Variants in CNTNAP2 observed in about 807,000 individuals in gnomAD.
The protein encoded by CNTNAP2 is contactin-associated protein-like 2.
A neutral mutation model predicts 155.2 loss-of-function variants in CNTNAP2; 98 were observed. The ratio of observed to expected loss-of-function variants is 0.63; its 90% CI spans 0.54 to 0.75. The LOEUF is 0.75. Ranked by LOEUF, CNTNAP2 falls within the 30% of genes least tolerant of loss-of-function variation. The pLI is 0.00. For missense variants in CNTNAP2, 1,727 were observed against 1,688.1 expected, an observed-to-expected ratio of 1.02 and a Z score of -0.40; for synonymous variants, 651 against 631.2, an observed-to-expected ratio of 1.03 and a Z score of -0.47.
chr7:147,105,009 T>C (rs1429794971), intron 4 of CNTNAP2, among the ~76,000 whole-genome samples: 1 of 150,158 alleles, frequency 6.7e-6, no homozygotes, highest in Non-Finnish European at 1.5e-5. Flanking sequence ...TTAACACTGG[T>C]GATTTTTCGT....
chr7:147,172,587 G>T (rs1229273796), intron 8 of CNTNAP2, among the ~76,000 whole-genome samples: 1 of 151,936 alleles, frequency 6.6e-6, no homozygotes, highest in Non-Finnish European at 1.5e-5. Context: ...TCATGTTAAT[G>T]TAAGCTTTGT....
At chr7:146,638,179 G>A (rs953239026) in intron 1 of CNTNAP2, among the ~76,000 whole-genome samples, 14 of 152,120 alleles carry the variant, frequency 9.2e-5, no homozygotes, top group African/African-American at 3.4e-4. Context: ...CTAAAGGGGC[G>A]CTTATGACTA....
chr7:146,568,975 C>G (rs1372099662), intron 1 of CNTNAP2, among the ~76,000 whole-genome samples: 1 of 151,352 alleles, frequency 6.6e-6, no homozygotes, highest in Admixed American at 6.6e-5. Context: ...TGTTTTTTCT[C>G]TGTGGTTACT....
chr7:148,074,619 T>A (rs951379112), intron 15 of CNTNAP2, among the ~76,000 whole-genome samples: 4 of 150,742 alleles, frequency 2.7e-5, no homozygotes, highest in Non-Finnish European at 5.9e-5. Context: ...AACTCGGAGG[T>A]GGAGGTTGCA....
At chr7:147,688,956 G>A (rs564196989) in intron 13 of CNTNAP2, among the ~76,000 whole-genome samples, 5 of 152,194 alleles carry the variant, frequency 3.3e-5, no homozygotes, top group African/African-American at 9.6e-5. Flanking sequence ...GCAGTGCTGG[G>A]AATGTTGTAA....
chr7:146,554,924 C>A (rs748852901), intron 1 of CNTNAP2, among the ~76,000 whole-genome samples: 6 of 152,190 alleles, frequency 3.9e-5, no homozygotes, highest in Non-Finnish European at 7.3e-5. Context: ...TTTTTTCTCA[C>A]TGAACCTCAT....
chr7:147,684,608 C>T (rs1460479822), intron 13 of CNTNAP2, among the ~76,000 whole-genome samples: 1 of 151,716 alleles, frequency 6.6e-6, no homozygotes, highest in Non-Finnish European at 1.5e-5. Flanking sequence ...TCGTTGATGG[C>T]CCTGAGGTGT....
At chr7:147,738,347 A>C (rs1224622430) in intron 13 of CNTNAP2, among the ~76,000 whole-genome samples, 1 of 152,062 alleles carries the variant, frequency 6.6e-6, no homozygotes, top group Non-Finnish European at 1.5e-5. Context: ...TTCAAACAGC[A>C]TCACACATTA....
At position 147,675,561 on chromosome 7, in the gene CNTNAP2, A is replaced by G. The variant is rs533223809; in HGVS notation, c.2098+36255A>G. Among the ~76,000 whole-genome samples, 5 of 152,106 alleles carry G rather than the reference A, an allele frequency of 3.3e-5. No homozygotes were observed. In the South Asian group the frequency reaches 6.2e-4, roughly 19 times the overall value. On this transcript the variant is annotated intron_variant, in intron 13 of 23. Coordinates refer to ENST00000361727, the MANE Select transcript of CNTNAP2 (RefSeq NM_014141.6). ...CTTTCTCCACCTTGTTTTAAATTCA[A>G]TCCCTCCATGGATTGGATGATTCGC...
chr7:147,988,217 G>A (rs1801652486), intron 15 of CNTNAP2, among the ~76,000 whole-genome samples: 1 of 152,120 alleles, frequency 6.6e-6, no homozygotes, highest in Non-Finnish European at 1.5e-5. Context: ...AAAAGATTGT[G>A]GATACCAAAG....
intron 1 of CNTNAP2, among the ~76,000 whole-genome samples, chr7:146,192,623 C>A (rs1798723107): frequency 6.6e-6 from 1 of 152,102 alleles, no homozygotes; most frequent in Non-Finnish European, 1.5e-5. Context: ...GATTCAGTTA[C>A]CTCACACTGG....
At chr7:146,951,740 T>G (rs949093371) in intron 3 of CNTNAP2, among the ~76,000 whole-genome samples, 3 of 152,184 alleles carry the variant, frequency 2.0e-5, no homozygotes, top group African/African-American at 7.2e-5. Flanking sequence ...TTTCTCCAGC[T>G]TTGTTCTTTT....
In CNTNAP2 at chr7:147,979,874, C is replaced by T. The variant is rs143520756; in HGVS notation, c.2383+1885C>T. On this transcript the variant is annotated intron_variant, in intron 15 of 23. Transcript: ENST00000361727. ...CTGACCCCGGGTGATCCACACGCCT[C>T]GGCCTCCCAAAGTGCTGGGATTACA... Among the ~76,000 whole-genome samples, 490 of 152,252 alleles carry T rather than the reference C, an allele frequency of 3.2e-3. 3 individuals carry two copies. Among genetic ancestry groups the T allele is most frequent in the African/African-American group, 0.011 (448 of 41,548 alleles).
Position 147,747,992 on chromosome 7 carries a change from G to A in CNTNAP2, c.2098+108686G>A, listed in dbSNP as rs1486071325. Among the ~76,000 whole-genome samples the A allele has an allele frequency of 9.2e-5, 14 of 152,330 alleles. No individual in the cohort carries two copies. In the South Asian group the frequency reaches 1.2e-3, roughly 14 times the overall value. ...AAAATGGAAGAACAGCAAGTGAGGC[G>A]TCAGCAGTCAATCACCCGCCTAGCA... On this transcript the variant is annotated intron_variant, in intron 13 of 23. Coordinates refer to ENST00000361727, the MANE Select transcript of CNTNAP2 (RefSeq NM_014141.6).
At chr7:147,904,006 A>C (rs954666600) in intron 14 of CNTNAP2, among the ~76,000 whole-genome samples, 1 of 152,210 alleles carries the variant, frequency 6.6e-6, no homozygotes, top group African/African-American at 2.4e-5. Context: ...AGTGATTTGC[A>C]TTATAAAATG....
At chr7:148,324,240 T>C (rs929359765) in intron 21 of CNTNAP2, among the ~76,000 whole-genome samples, 8 of 151,996 alleles carry the variant, frequency 5.3e-5, no homozygotes, top group Admixed American at 5.2e-4. Context: ...GCATCATACA[T>C]AGGCAAGAAC....
intron 13 of CNTNAP2, among the ~76,000 whole-genome samples, chr7:147,896,308 G>T (rs1328238940): frequency 6.6e-6 from 1 of 152,074 alleles, no homozygotes. Flanking sequence ...CACAGCTCAG[G>T]GCTTCTACTG....
At chr7:148,059,466 C>G (rs1286887170) in intron 15 of CNTNAP2, among the ~76,000 whole-genome samples, 2 of 151,748 alleles carry the variant, frequency 1.3e-5, no homozygotes, top group African/African-American at 4.8e-5. Flanking sequence ...TGGTGCATGC[C>G]TGTAATCCCA....
intron 1 of CNTNAP2, among the ~76,000 whole-genome samples, chr7:146,213,545 A>T (rs190736501): frequency 9.8e-5 from 15 of 152,290 alleles, no homozygotes; most frequent in African/African-American, 3.4e-4. Context: ...GCAACTCAAG[A>T]AGTAATTTAT....
Sources: allele counts gnomAD v4.1 joint callset (sites outside exome capture counted in the v4.1 genomes callset), GRCh38; gene constraint gnomAD v4.1.1; transcripts MANE v1.5; gene names NCBI Gene and HGNC (gene_info 2026-07-23, HGNC 2026-07-21).